The following ROBO2 variants were observed in gnomAD, a reference collection of about 807,000 sequenced individuals.
ROBO2 encodes the protein roundabout homolog 2.
A neutral mutation model predicts 160.8 loss-of-function variants in ROBO2; 53 were observed. The ratio of observed to expected loss-of-function variants is 0.33; its 90% CI spans 0.26 to 0.41. The LOEUF is 0.41. Ranked by LOEUF, ROBO2 falls within the 10% of genes least tolerant of loss-of-function variation. The pLI, the probability that ROBO2 is intolerant of heterozygous loss-of-function variation, is 1.00. For synonymous variants in ROBO2, 664 were observed against 611.7 expected, an observed-to-expected ratio of 1.09 and a Z score of -1.26; for missense variants, 1,577 against 1,722.4, an observed-to-expected ratio of 0.92 and a Z score of 1.49.
chr3:75,914,494 T>C (rs1946726026), intron 1 of ROBO2, among the ~76,000 whole-genome samples: 1 of 152,232 alleles, frequency 6.6e-6, no homozygotes, highest in South Asian at 2.1e-4. Flanking sequence ...GTCTTTTTCA[T>C]TTCTTTTAAT....
chr3:76,323,750 C>A (rs1165586638), intron 2 of ROBO2, among the ~76,000 whole-genome samples: 4 of 152,200 alleles, frequency 2.6e-5, no homozygotes, highest in Non-Finnish European at 1.5e-5. Context: ...TGGTGCATTA[C>A]AAGTTCAAAT....
At chr3:77,632,490 ATGGGGCTC>A in intron 23 of ROBO2, 1 of 1,533,404 alleles carries the variant, frequency 6.5e-7, no homozygotes. Flanking sequence ...TGGTAAATGG[ATGGGGCTC>A]TGCATCTGAT....
chr3:77,106,768 A>G (rs1339710432), intron 2 of ROBO2, among the ~76,000 whole-genome samples: 1 of 152,224 alleles, frequency 6.6e-6, no homozygotes, highest in Non-Finnish European at 1.5e-5. Flanking sequence ...GAGATTTTCA[A>G]AAGCAATTCT....
chr3:77,405,177 A>G (rs768636457), intron 2 of ROBO2, among the ~76,000 whole-genome samples: 29 of 152,320 alleles, frequency 1.9e-4, no homozygotes, highest in Admixed American at 3.3e-4. Context: ...GAGCACAATA[A>G]AGGATGAATA....
intron 8 of ROBO2, 28 bp from the exon 10 acceptor site, chr3:77,557,916 A>C: frequency 6.7e-7 from 1 of 1,500,754 alleles, no homozygotes; most frequent in Non-Finnish European, 8.9e-7. Context: ...TTGATGTTAA[A>C]ATACCTGAAA....
chr3:77,584,978 A>G lies in ROBO2; in HGVS notation c.2501-3773A>G, dbSNP rs1169492148. Among the ~76,000 whole-genome samples, 4 of 149,800 alleles carry G rather than the reference A, an allele frequency of 2.7e-5. No individual in the cohort carries two copies. The Admixed American group carries it at 2.7e-4, about 10-fold the overall frequency. On this transcript the variant is annotated intron_variant, in intron 16 of 25. Coordinates refer to ENST00000461745, the Ensembl canonical transcript of ROBO2. ...CACATATATATACACACATATATAT[A>G]TATATACTATATACTGGCATATATA...
At chr3:77,099,251 G>A (rs1200228968) in intron 2 of ROBO2, among the ~76,000 whole-genome samples, 2 of 151,846 alleles carry the variant, frequency 1.3e-5, no homozygotes, top group Non-Finnish European at 2.9e-5. Context: ...TTTTAGTAGA[G>A]ACGGGGTTTC....
At chr3:76,761,370 A>G (rs1173517818) in intron 2 of ROBO2, among the ~76,000 whole-genome samples, 1 of 151,708 alleles carries the variant, frequency 6.6e-6, no homozygotes, top group Non-Finnish European at 1.5e-5. Context: ...GTGACCATAC[A>G]TTCCAGTTTG....
At chr3:77,345,446 T>C (rs996974577) in intron 2 of ROBO2, among the ~76,000 whole-genome samples, 1 of 152,098 alleles carries the variant, frequency 6.6e-6, no homozygotes, top group Admixed American at 6.6e-5. Flanking sequence ...ATGGAGATAA[T>C]TGGTGGACAT....
intron 2 of ROBO2, among the ~76,000 whole-genome samples, chr3:76,170,381 G>C (rs908269661): frequency 6.6e-6 from 1 of 152,118 alleles, no homozygotes; most frequent in Non-Finnish European, 1.5e-5. Context: ...TTTACGTGCA[G>C]CTACAAATTG....
At chr3:76,473,289 G>C (rs994936222) in intron 2 of ROBO2, among the ~76,000 whole-genome samples, 1 of 152,036 alleles carries the variant, frequency 6.6e-6, no homozygotes, top group Non-Finnish European at 1.5e-5. Flanking sequence ...TTGAGTACCT[G>C]AGTGCTCCAA....
chr3:76,640,257 G>C (rs917038184), intron 2 of ROBO2, among the ~76,000 whole-genome samples: 2 of 152,152 alleles, frequency 1.3e-5, no homozygotes, highest in African/African-American at 4.8e-5. Context: ...AGGGCCGGGC[G>C]CGGTGGCTCA....
At chr3:76,236,082 C>T (rs187867769) in intron 2 of ROBO2, among the ~76,000 whole-genome samples, 6 of 152,014 alleles carry the variant, frequency 3.9e-5, no homozygotes, top group Non-Finnish European at 8.8e-5. Flanking sequence ...TAATTCAGGT[C>T]CTCAGTTATG....
intron 2 of ROBO2, among the ~76,000 whole-genome samples, chr3:76,237,905 A>G (rs1201704330): frequency 1.3e-5 from 2 of 152,142 alleles, no homozygotes; most frequent in African/African-American, 2.4e-5. Flanking sequence ...TGTGGCTGAG[A>G]TTAAAGGCAT....
chr3:76,384,037 C>T (rs955680201), intron 2 of ROBO2, among the ~76,000 whole-genome samples: 2 of 152,070 alleles, frequency 1.3e-5, no homozygotes, highest in African/African-American at 4.8e-5. Context: ...CCTGATAAGG[C>T]ACTGGAAGAG....
chr3:77,121,390 G>A (rs11127579), intron 2 of ROBO2, among the ~76,000 whole-genome samples: 5,046 of 151,994 alleles, frequency 0.033, 117 homozygotes, highest in South Asian at 0.09. Flanking sequence ...AACTGAGTGG[G>A]GAATGGAATA....
At chr3:76,875,978 A>G (rs1439269687) in intron 2 of ROBO2, among the ~76,000 whole-genome samples, 1 of 151,962 alleles carries the variant, frequency 6.6e-6, no homozygotes, top group Non-Finnish European at 1.5e-5. Flanking sequence ...TAAAGACCCT[A>G]TGATTACATT....
intron 4 of ROBO2, among the ~76,000 whole-genome samples, chr3:77,489,307 AC>A (rs1360454186): frequency 6.6e-6 from 1 of 152,198 alleles, no homozygotes; most frequent in Non-Finnish European, 1.5e-5. Context: ...CCAATGTCAG[AC>A]TTCCAAAAAT....
intron 1 of ROBO2, among the ~76,000 whole-genome samples, chr3:75,935,135 A>G (rs1306402212): frequency 6.6e-6 from 1 of 152,128 alleles, no homozygotes; most frequent in Non-Finnish European, 1.5e-5. Context: ...GTTAAGTGGT[A>G]CTCTAATTAT....
Sources: gnomAD v4.1 joint callset for allele counts (sites outside exome capture counted in the v4.1 genomes callset) on GRCh38, gnomAD v4.1.1 for gene constraint, MANE v1.5 for transcripts, NCBI Gene and HGNC (gene_info 2026-07-23, HGNC 2026-07-21) for gene names.